MARCHF3: variants seen among roughly 807,000 people sequenced by gnomAD.
MARCHF3 encodes the protein E3 ubiquitin-protein ligase MARCHF3.
MARCHF3 carries 13 observed loss-of-function variants against 24.2 expected under a neutral mutation model. The observed-to-expected ratio is 0.54, with a 90% CI of 0.35 to 0.85. The LOEUF (loss-of-function observed/expected upper bound fraction) is 0.85, where lower values mean the gene tolerates loss of function less well. Among genes scored for constraint, MARCHF3 ranks in the 40% least tolerant of loss-of-function variants. MARCHF3 has a pLI of 0.01. For missense variants in MARCHF3, 276 were observed against 325.0 expected (o/e 0.85, Z 1.16); for synonymous variants, 144 against 137.3 (o/e 1.05, Z -0.34).
rs187284483 is a variant in MARCHF3 at position 126,908,130 on chromosome 5, A to T, written c.393+6800T>A. The stretch of plus-strand genomic sequence containing the variant: ...TCTGGGTTGAAAATTCTTTTCTTTA[A>T]GAATGTTGAATATTGGCCCCCACCC... On this transcript the variant is annotated intron_variant, in intron 3 of 4. Coordinates refer to ENST00000308660, the MANE Select transcript of MARCHF3 (RefSeq NM_178450.5). Among the ~76,000 whole-genome samples the T allele has an allele frequency of 8.4e-3, 1,283 of 152,192 alleles. 19 individuals are homozygous for T. The highest frequency in any genetic ancestry group is 0.025 in the East Asian group (132 of 5,178).
In MARCHF3 at chr5:126,909,217, T is replaced by C. The variant is rs1012875753; in HGVS notation, c.393+5713A>G. Among the ~76,000 whole-genome samples the C allele has an allele frequency of 5.9e-5, 9 of 151,756 alleles. No homozygotes were observed. The East Asian group carries it at 1.5e-3, about 26-fold the overall frequency. ...TGCATGCTGGGAGAACCACTGCTCT[T>C]TTCAAAGCTGTCAGACAGGGACATT... On this transcript the variant is annotated intron_variant, in intron 3 of 4. Transcript: ENST00000308660.
Position 126,919,695 on chromosome 5 carries a change from T to C in MARCHF3, c.-56-1468A>G, listed in dbSNP as rs567714546. 3.3e-5 allele frequency among the ~76,000 whole-genome samples: 5 copies of C among 152,220 alleles called. No individual in the cohort carries two copies. In the South Asian group the frequency reaches 1.0e-3, roughly 32 times the overall value. ...CAGTTTCCCTCCCGACACGCACATG[T>C]CAAGCAGGCTTGACTGTCCAAAACA... On this transcript the variant is annotated intron_variant, in intron 1 of 4. Coordinates refer to ENST00000308660, the MANE Select transcript of MARCHF3 (RefSeq NM_178450.5).
In MARCHF3 at chr5:126,868,142, C is replaced by T. The variant is rs1752830710; in HGVS notation, c.*2491G>A. On this transcript the variant is annotated 3_prime_UTR_variant, in exon 5 of 5. Transcript: ENST00000308660. ...GGCTAGCAAGGGTGCTGGTAGGCTG[C>T]ATGGTGCCTCTGTACCCATTAATAC... 6.6e-6 allele frequency: 1 copy of T among 152,220 alleles called. No individual in the cohort carries two copies. The highest frequency in any genetic ancestry group is 2.1e-4 in the South Asian group (1 of 4,826). 9.4% of individuals were successfully genotyped at this position (152,220 alleles called of 1,614,324 possible). A position where few individuals can be genotyped will look rare whatever the true frequency, so the allele number is the denominator to read the frequency against.
At chr5:126,895,362 T>C (rs1378497347) in intron 3 of MARCHF3, among the ~76,000 whole-genome samples, 1 of 152,176 alleles carries the variant, frequency 6.6e-6, no homozygotes, top group Non-Finnish European at 1.5e-5. Context: ...AGGAACTGCG[T>C]TCCTTTGGAG....
At chr5:126,926,505 T>A (rs1367217601) in intron 1 of MARCHF3, among the ~76,000 whole-genome samples, 3 of 152,206 alleles carry the variant, frequency 2.0e-5, no homozygotes, top group South Asian at 2.1e-4. Flanking sequence ...CTCCTAGGCA[T>A]GACAGATGAA....
At chr5:126,899,232 G>A (rs1448150904) in intron 3 of MARCHF3, 1 of 985,304 alleles carries the variant, frequency 1.0e-6, no homozygotes, top group East Asian at 1.1e-4. Context: ...GACCTGACAG[G>A]GGTGTTTTCT....
intron 1 of MARCHF3, among the ~76,000 whole-genome samples, chr5:126,958,695 T>C (rs1289505893): frequency 6.6e-6 from 1 of 152,164 alleles, no homozygotes; most frequent in East Asian, 1.9e-4. Flanking sequence ...TTTTTAAAAA[T>C]GCCACTTGTT....
chr5:126,975,568 A>G lies in MARCHF3; in HGVS notation c.-57+54782T>C, dbSNP rs79949760. 9.7e-3 allele frequency among the ~76,000 whole-genome samples: 1,471 copies of G among 152,302 alleles called. 17 individuals are homozygous for G. The highest frequency in any genetic ancestry group is 0.034 in the African/African-American group (1,404 of 41,554). On this transcript the variant is annotated intron_variant, in intron 1 of 4. Coordinates refer to ENST00000308660, the MANE Select transcript of MARCHF3 (RefSeq NM_178450.5). The stretch of plus-strand genomic sequence containing the variant: ...GTAAAACGGCCTAAACTGGGGTCAT[A>G]TTTCCTCATCAGCCGCATTCTGCTA...
At chr5:126,966,004 T>C (rs1027082729) in intron 1 of MARCHF3, among the ~76,000 whole-genome samples, 1 of 152,180 alleles carries the variant, frequency 6.6e-6, no homozygotes, top group African/African-American at 2.4e-5. Flanking sequence ...TACTCAGTAA[T>C]AAAATGGAAT....
intron 1 of MARCHF3, among the ~76,000 whole-genome samples, chr5:127,002,965 C>T (rs994702182): frequency 1.3e-5 from 2 of 152,114 alleles, no homozygotes; most frequent in African/African-American, 2.4e-5. Context: ...AGGGAGCAAT[C>T]GATAACCAGA....
intron 1 of MARCHF3, among the ~76,000 whole-genome samples, chr5:126,978,287 A>G (rs533101896): frequency 1.3e-5 from 2 of 152,342 alleles, no homozygotes; most frequent in South Asian, 4.1e-4. Flanking sequence ...GGAGAGAGAG[A>G]CTGCCCAGAG....
chr5:126,918,040 A>T lies in MARCHF3; in HGVS notation c.132T>A (p.Val44=), dbSNP rs1325564798. 2 of 1,614,092 alleles carry T rather than the reference A, an allele frequency of 1.2e-6. No individual in the cohort carries two copies. The highest frequency in any genetic ancestry group is 1.7e-6 in the Non-Finnish European group (2 of 1,180,012). ...VNGQPQYVMQ[V]SAKDGQLLST... ...ACAGCAGCTGCCCGTCCTTGGCTGAAACTTGCATGACATACTGCGGCTGCC... is the reference window on the plus strand; with the variant it reads ...ACAGCAGCTGCCCGTCCTTGGCTGATACTTGCATGACATACTGCGGCTGCC... The change falls in exon 2 of 5, where the codon GTT becomes GTA. Residue 44 remains valine, a synonymous_variant. Transcript: ENST00000308660.
chr5:126,939,247 A>C (rs887453773), intron 1 of MARCHF3, among the ~76,000 whole-genome samples: 9 of 152,168 alleles, frequency 5.9e-5, no homozygotes, highest in Non-Finnish European at 1.2e-4. Flanking sequence ...CTAGATATGA[A>C]AAGGTTAGGC....
chr5:127,026,055 A>G (rs750016221), intron 1 of MARCHF3, among the ~76,000 whole-genome samples: 30 of 152,146 alleles, frequency 2.0e-4, no homozygotes, highest in Non-Finnish European at 4.1e-4. Context: ...ACTTGAAAAG[A>G]ACTTGTCAAA....
intron 1 of MARCHF3, among the ~76,000 whole-genome samples, chr5:127,021,624 C>T (rs1752807921): frequency 6.6e-6 from 1 of 152,068 alleles, no homozygotes; most frequent in Non-Finnish European, 1.5e-5. Flanking sequence ...ATTTGCAGTG[C>T]AAGTGGAAAT....
At chr5:126,914,069 C>T (rs750673926) in intron 3 of MARCHF3, among the ~76,000 whole-genome samples, 12 of 150,292 alleles carry the variant, frequency 8.0e-5, no homozygotes, top group African/African-American at 1.5e-4. Context: ...CTGCAAGCTC[C>T]GCCATCCAGG....
intron 1 of MARCHF3, among the ~76,000 whole-genome samples, chr5:126,998,157 T>G (rs1752007186): frequency 6.6e-6 from 1 of 152,186 alleles, no homozygotes; most frequent in Non-Finnish European, 1.5e-5. Flanking sequence ...TTGTCACAAG[T>G]AAATTAGAAA....
At chr5:126,927,247 G>C (rs1252572356) in intron 1 of MARCHF3, among the ~76,000 whole-genome samples, 3 of 152,126 alleles carry the variant, frequency 2.0e-5, no homozygotes, top group African/African-American at 7.2e-5. Flanking sequence ...CATAGCCAAG[G>C]ACCGAGTTAC....
At chr5:126,932,911 C>A (rs181886299) in intron 1 of MARCHF3, among the ~76,000 whole-genome samples, 116 of 152,240 alleles carry the variant, frequency 7.6e-4, no homozygotes, top group Non-Finnish European at 1.2e-3. Context: ...GAAGAGATAT[C>A]TTTTCTCCCC....
Sources: allele counts gnomAD v4.1 joint callset (sites outside exome capture counted in the v4.1 genomes callset), GRCh38; gene constraint gnomAD v4.1.1; transcripts MANE v1.5; gene names NCBI Gene and HGNC (gene_info 2026-07-23, HGNC 2026-07-21).